Variants in CARMIL1 observed in about 807,000 individuals in gnomAD.
The protein encoded by CARMIL1 is F-actin-uncapping protein LRRC16A.
CARMIL1 carries 90 observed loss-of-function variants against 177.1 expected under a neutral mutation model. The ratio of observed to expected loss-of-function variants is 0.51; its 90% CI spans 0.43 to 0.61. The LOEUF (loss-of-function observed/expected upper bound fraction) is 0.61. Among genes scored for constraint, CARMIL1 ranks in the 20% least tolerant of loss-of-function variants. The pLI is 0.00. For missense variants in CARMIL1, 1,380 were observed against 1,667.0 expected (o/e 0.83, Z 3.00); for synonymous variants, 577 against 606.2 (o/e 0.95, Z 0.71).
intron 2 of CARMIL1, among the ~76,000 whole-genome samples, chr6:25,337,941 A>G (rs1786446697): frequency 6.6e-6 from 1 of 152,174 alleles, no homozygotes; most frequent in Non-Finnish European, 1.5e-5. Context: ...TTAGGAACTA[A>G]CTAGCTGGTT....
intron 2 of CARMIL1, among the ~76,000 whole-genome samples, chr6:25,288,141 C>A (rs913583396): frequency 1.3e-5 from 2 of 152,216 alleles, no homozygotes; most frequent in Admixed American, 6.5e-5. Flanking sequence ...TAAGCTTAAG[C>A]TGGCGTTCAC....
chr6:25,506,131 T>C (rs1168594629), intron 17 of CARMIL1, among the ~76,000 whole-genome samples: 1 of 152,248 alleles, frequency 6.6e-6, no homozygotes, highest in Non-Finnish European at 1.5e-5. Context: ...AGCATCATTG[T>C]AGTGCCCCTT....
At chr6:25,313,393 C>G (rs1230516600) in intron 2 of CARMIL1, among the ~76,000 whole-genome samples, 5 of 152,166 alleles carry the variant, frequency 3.3e-5, no homozygotes, top group African/African-American at 9.7e-5. Flanking sequence ...ATAGGCCTGG[C>G]TGTTTCCCTG....
chr6:25,527,004 A>C (rs1362472273), intron 23 of CARMIL1, among the ~76,000 whole-genome samples: 1 of 152,220 alleles, frequency 6.6e-6, no homozygotes, highest in Non-Finnish European at 1.5e-5. Context: ...TTAAAAACAC[A>C]CACACAAGAT....
At chr6:25,305,146 CT>C (rs991635822) in intron 2 of CARMIL1, among the ~76,000 whole-genome samples, 156 of 152,288 alleles carry the variant, frequency 1.0e-3, no homozygotes, top group African/African-American at 3.4e-3. Flanking sequence ...TTGCTTGTCT[CT>C]TTGGGGGCAG....
chr6:25,307,470 A>G (rs1461364942), intron 2 of CARMIL1, among the ~76,000 whole-genome samples: 2 of 152,176 alleles, frequency 1.3e-5, no homozygotes, highest in African/African-American at 2.4e-5. Flanking sequence ...TTGTTGATAA[A>G]TTGATTAGAT....
At chr6:25,551,183 ATGTGTTTAGG>A (rs67169683) in intron 27 of CARMIL1, 98 bp downstream of exon 27, 138,953 of 913,128 alleles carry the variant, frequency 0.15, 11,188 homozygotes, top group Middle Eastern at 0.23. Flanking sequence ...TCCATATATA[ATGTGTTTAGG>A]CATGTTTAAT....
At chr6:25,362,461 G>A (rs950693917) in intron 2 of CARMIL1, among the ~76,000 whole-genome samples, 1 of 151,970 alleles carries the variant, frequency 6.6e-6, no homozygotes, top group Non-Finnish European at 1.5e-5. Flanking sequence ...GATCACCTGA[G>A]GTCCGGAGTT....
At chr6:25,466,043 G>C (rs1347013905) in intron 9 of CARMIL1, 95 bp downstream of exon 9, 3 of 805,246 alleles carry the variant, frequency 3.7e-6, no homozygotes, top group Non-Finnish European at 6.5e-6. Flanking sequence ...TACTGTACTA[G>C]TAAGCTGTAT....
chr6:25,602,753 A>G (rs2151312355), intron 33 of CARMIL1, among the ~76,000 whole-genome samples: 1 of 152,332 alleles, frequency 6.6e-6, no homozygotes, highest in Admixed American at 6.5e-5. Context: ...CAATAGCATC[A>G]ATGATCAATA....
At chr6:25,510,057 T>G (rs403768) in intron 18 of CARMIL1, among the ~76,000 whole-genome samples, 66,365 of 151,872 alleles carry the variant, frequency 0.44, 14,888 homozygotes, top group Middle Eastern at 0.52. Flanking sequence ...AATTGTACTC[T>G]TGTTTATTTA....
chr6:25,391,210 C>G (rs1256123194), intron 2 of CARMIL1, among the ~76,000 whole-genome samples: 1 of 152,184 alleles, frequency 6.6e-6, no homozygotes, highest in Non-Finnish European at 1.5e-5. Flanking sequence ...CACTAATAAT[C>G]CACTAATGTC....
chr6:25,295,878 G>C lies in CARMIL1; in HGVS notation c.138+10969G>C, dbSNP rs149278276. Among the ~76,000 whole-genome samples the C allele has an allele frequency of 3.4e-3, 513 of 152,300 alleles. 4 individuals are homozygous for C. The highest frequency in any genetic ancestry group is 0.011 in the African/African-American group (470 of 41,544). On this transcript the variant is annotated intron_variant, in intron 2 of 36. Transcript: ENST00000329474. ...CTGAATCCTAGGTAGGTGTGAGCCTGTATTATATGATTCAGATCTTTGCCC... is the reference window on the plus strand; with the variant it reads ...CTGAATCCTAGGTAGGTGTGAGCCTCTATTATATGATTCAGATCTTTGCCC...
At chr6:25,611,765 A>G (rs1156324845) in intron 36 of CARMIL1, among the ~76,000 whole-genome samples, 1 of 152,226 alleles carries the variant, frequency 6.6e-6, no homozygotes, top group African/African-American at 2.4e-5. Flanking sequence ...AGATGCCTAT[A>G]GATTATCAAA....
chr6:25,604,622 C>A (rs1815761163), intron 33 of CARMIL1, among the ~76,000 whole-genome samples, 190 bp from the exon 34 acceptor site: 1 of 152,186 alleles, frequency 6.6e-6, no homozygotes, highest in Non-Finnish European at 1.5e-5. Flanking sequence ...ACCGTAAACA[C>A]AGAATAGAAT....
intron 9 of CARMIL1, among the ~76,000 whole-genome samples, chr6:25,470,427 T>C (rs147151874): frequency 6.6e-6 from 1 of 152,226 alleles, no homozygotes; most frequent in Non-Finnish European, 1.5e-5. Flanking sequence ...TAACACTTAG[T>C]CTTCAGCTCT....
intron 2 of CARMIL1, among the ~76,000 whole-genome samples, chr6:25,384,076 C>T (rs919216844): frequency 4.6e-5 from 7 of 152,082 alleles, no homozygotes; most frequent in Admixed American, 6.5e-5. Flanking sequence ...TGACCTCAAG[C>T]GCTCCGCCCA....
chr6:25,347,080 C>T (rs1787585147), intron 2 of CARMIL1, among the ~76,000 whole-genome samples: 1 of 152,174 alleles, frequency 6.6e-6, no homozygotes, highest in Non-Finnish European at 1.5e-5. Flanking sequence ...ACTTAACATG[C>T]TGTTTCAAAT....
intron 31 of CARMIL1, among the ~76,000 whole-genome samples, chr6:25,586,453 C>T (rs1158594016): frequency 2.0e-5 from 3 of 146,538 alleles, no homozygotes; most frequent in Non-Finnish European, 4.4e-5. Context: ...CGGGAAGAGG[C>T]GCTCCTCACT....
Sources: gnomAD v4.1 joint callset for allele counts (sites outside exome capture counted in the v4.1 genomes callset) on GRCh38, gnomAD v4.1.1 for gene constraint, MANE v1.5 for transcripts, NCBI Gene and HGNC (gene_info 2026-07-23, HGNC 2026-07-21) for gene names.